PSEN1: variants seen among roughly 807,000 people sequenced by gnomAD.
The protein encoded by PSEN1 is presenilin 1.
In PSEN1, 15 loss-of-function variants were observed where a neutral mutation model predicts 53.5. The ratio of observed to expected loss-of-function variants is 0.28; its 90% CI spans 0.19 to 0.43. The LOEUF is 0.43. Ranked by LOEUF, PSEN1 falls within the 20% of genes least tolerant of loss-of-function variation. PSEN1 has a pLI of 1.00. For synonymous variants in PSEN1, 208 were observed against 209.8 expected (o/e 0.99, Z 0.08); for missense variants, 387 against 571.2 (o/e 0.68, Z 3.29).
intron 3 of PSEN1, among the ~76,000 whole-genome samples, chr14:73,157,470 T>C (rs1897393187): frequency 6.6e-6 from 1 of 152,130 alleles, no homozygotes; most frequent in African/African-American, 2.4e-5. Flanking sequence ...AACAGCTTTA[T>C]TGTGGTATAA....
At chr14:73,204,048 G>A (rs151098329) in intron 8 of PSEN1, among the ~76,000 whole-genome samples, 1 of 151,654 alleles carries the variant, frequency 6.6e-6, no homozygotes, top group Non-Finnish European at 1.5e-5. Context: ...GCCCAGGCTG[G>A]AGTGCAATGG....
chr14:73,143,528 A>G (rs902196238), intron 1 of PSEN1, among the ~76,000 whole-genome samples: 1 of 152,170 alleles, frequency 6.6e-6, no homozygotes, highest in Non-Finnish European at 1.5e-5. Flanking sequence ...TAAGACTCAA[A>G]TGGAAGAATA....
chr14:73,177,279 T>C lies in PSEN1; in HGVS notation c.480+3572T>C, dbSNP rs150220443. Among the ~76,000 whole-genome samples the C allele has an allele frequency of 1.1e-4, 17 of 151,854 alleles. No individual in the cohort carries two copies. The East Asian group carries it at 3.3e-3, about 29-fold the overall frequency. On this transcript the variant is annotated intron_variant, in intron 5 of 11. Transcript: ENST00000324501. ...GGCCCATGGTTGGTTTGTTTTCTCCTTTGCATATCTCTTCTACTCAGATAC... is the reference window on the plus strand; with the variant it reads ...GGCCCATGGTTGGTTTGTTTTCTCCCTTGCATATCTCTTCTACTCAGATAC...
chr14:73,147,770 A>G, intron 1 of PSEN1, 25 bp from the exon 2 acceptor site: 1 of 513,998 alleles, frequency 1.9e-6, no homozygotes, highest in Non-Finnish European at 3.5e-6. Context: ...CTAACAATGG[A>G]TGACCTGGTG....
At position 73,184,749 on chromosome 14, in the gene PSEN1, C is replaced by G. The variant is rs1258883670; in HGVS notation, c.481-2104C>G. On this transcript the variant is annotated intron_variant, in intron 5 of 11. Coordinates refer to ENST00000324501, the MANE Select transcript of PSEN1 (RefSeq NM_000021.4). ...CGGCTGGCCTGGCGGGGGGCTGACC[C>G]CCCCCACCTCCCTCCCGGACGGGGT... Among the ~76,000 whole-genome samples, 22 of 150,796 alleles carry G rather than the reference C, an allele frequency of 1.5e-4. No homozygotes were observed. In the East Asian group the frequency reaches 2.0e-3, roughly 14 times the overall value.
intron 5 of PSEN1, among the ~76,000 whole-genome samples, chr14:73,180,822 A>G (rs544893380): frequency 6.6e-6 from 1 of 152,340 alleles, no homozygotes; most frequent in African/African-American, 2.4e-5. Context: ...AATAAAAGAA[A>G]TGCATATGAA....
intron 3 of PSEN1, chr14:73,168,370 AAAAC>A (rs1187166487): frequency 1.8e-4 from 27 of 152,334 alleles, no homozygotes; most frequent in African/African-American, 5.8e-4. Context: ...AAAAAAAACA[AAAAC>A]AAAAAAGATT....
chr14:73,172,229 A>G (rs1044475293), intron 4 of PSEN1, among the ~76,000 whole-genome samples: 4 of 152,192 alleles, frequency 2.6e-5, no homozygotes, highest in African/African-American at 7.2e-5. Context: ...TTCCATCTCT[A>G]CGACTCTCAT....
At position 73,222,147 on chromosome 14, in the gene PSEN1, A is replaced by G. The variant is rs1039252966; in HGVS notation, c.*2858A>G. On this transcript the variant is annotated 3_prime_UTR_variant, in exon 12 of 12. Coordinates refer to ENST00000324501, the MANE Select transcript of PSEN1 (RefSeq NM_000021.4). Reference sequence around the variant, plus strand: ...TCTCAGTAGGTTCGTGTGTGTTCCTAGAATCACAGCTCTGACTCCAAATGA... The same window carrying G: ...TCTCAGTAGGTTCGTGTGTGTTCCTGGAATCACAGCTCTGACTCCAAATGA... The G allele has an allele frequency of 6.6e-6, 1 of 152,196 alleles. No individual in the cohort carries two copies. Among genetic ancestry groups the G allele is most frequent in the Non-Finnish European group, 1.5e-5 (1 of 68,030 alleles). 9.4% of individuals were successfully genotyped at this position (152,196 alleles called of 1,614,324 possible).
chr14:73,189,844 A>G, intron 6 of PSEN1: 1 of 246,824 alleles, frequency 4.1e-6, no homozygotes. Flanking sequence ...CAGGCTGCTG[A>G]CTGCCTTCCA....
At position 73,152,427 on chromosome 14, in the gene PSEN1, C is replaced by G. The variant is rs1594971043; in HGVS notation, c.87+4321C>G. The stretch of plus-strand genomic sequence containing the variant: ...CCAGCCTGGCCAACATGGTGAAACC[C>G]CATTTCTACTAAGAAAAAAAAAAAA... On this transcript the variant is annotated intron_variant, in intron 3 of 11. Coordinates refer to ENST00000324501, the MANE Select transcript of PSEN1 (RefSeq NM_000021.4). Among the ~76,000 whole-genome samples the G allele has an allele frequency of 8.1e-5, 12 of 148,162 alleles. 3 individuals carry two copies. The Middle Eastern group carries it at 0.039, about 482-fold the overall frequency.
intron 4 of PSEN1, 85 bp from the exon 5 acceptor site, chr14:73,173,481 A>T (rs944100415): frequency 1.6e-5 from 22 of 1,398,270 alleles, no homozygotes; most frequent in Non-Finnish European, 2.0e-5. Context: ...AATTAAGAAA[A>T]AGAAAATTCT....
intron 7 of PSEN1, 97 bp from the exon 8 acceptor site, chr14:73,197,934 A>T (rs1595042813): frequency 2.8e-6 from 2 of 724,022 alleles, no homozygotes; most frequent in Admixed American, 2.1e-5. Flanking sequence ...GACAAAAAAC[A>T]TTAAACTTTT....
At chr14:73,183,952 C>A (rs1218561151) in intron 5 of PSEN1, among the ~76,000 whole-genome samples, 1 of 134,546 alleles carries the variant, frequency 7.4e-6, no homozygotes, top group Non-Finnish European at 1.6e-5. Flanking sequence ...CCCTCCCGGA[C>A]GGGGCGGCTG....
intron 3 of PSEN1, among the ~76,000 whole-genome samples, chr14:73,154,909 A>G (rs114782352): frequency 9.8e-4 from 150 of 152,326 alleles, no homozygotes; most frequent in African/African-American, 3.2e-3. Flanking sequence ...GTTGTAGGGA[A>G]ATAGGCTTTC....
At chr14:73,142,999 C>A (rs1333478811) in intron 1 of PSEN1, among the ~76,000 whole-genome samples, 1 of 152,152 alleles carries the variant, frequency 6.6e-6, no homozygotes, top group East Asian at 1.9e-4. Context: ...ATGAAAGATC[C>A]TCAGATCTGG....
chr14:73,154,992 A>C (rs910002547), intron 3 of PSEN1, among the ~76,000 whole-genome samples: 1 of 152,206 alleles, frequency 6.6e-6, no homozygotes, highest in Non-Finnish European at 1.5e-5. Flanking sequence ...CTACAGATAC[A>C]CATGCCTTTT....
chr14:73,181,963 G>T (rs889199907), intron 5 of PSEN1, among the ~76,000 whole-genome samples: 11 of 152,054 alleles, frequency 7.2e-5, no homozygotes, highest in Admixed American at 5.2e-4. Context: ...TAGTAGAGAC[G>T]GGGTTTTGGC....
chr14:73,177,870 G>A (rs1352565169), intron 5 of PSEN1, among the ~76,000 whole-genome samples: 1 of 152,062 alleles, frequency 6.6e-6, no homozygotes, highest in Admixed American at 6.6e-5. Flanking sequence ...GGAGTTCACT[G>A]AGCTTTTTGA....
Sources: allele counts gnomAD v4.1 joint callset (sites outside exome capture counted in the v4.1 genomes callset), GRCh38; gene constraint gnomAD v4.1.1; transcripts MANE v1.5; gene names NCBI Gene and HGNC (gene_info 2026-07-23, HGNC 2026-07-21).